Variants in RALGAPA1 observed in about 807,000 individuals in gnomAD.
RALGAPA1 encodes ral GTPase-activating protein subunit alpha-1.
In RALGAPA1, 52 loss-of-function variants were observed where a neutral mutation model predicts 269.6. The observed-to-expected ratio is 0.19, with a 90% CI of 0.15 to 0.24. The LOEUF (loss-of-function observed/expected upper bound fraction) is 0.24, where lower values mean the gene tolerates loss of function less well. Ranked by LOEUF, RALGAPA1 falls within the 10% of genes least tolerant of loss-of-function variation. The pLI is 1.00. For missense variants in RALGAPA1, 1,917 were observed against 3,013.9 expected (o/e 0.64, Z 8.52); for synonymous variants, 817 against 1,008.3 (o/e 0.81, Z 3.60).
intron 36 of RALGAPA1, among the ~76,000 whole-genome samples, chr14:35,600,709 T>C (rs2059240539): frequency 6.6e-6 from 1 of 152,258 alleles, no homozygotes; most frequent in Non-Finnish European, 1.5e-5. Context: ...ACATTTTCTA[T>C]TTCTTTGCTG....
At chr14:35,693,939 T>G (rs562077711) in intron 17 of RALGAPA1, among the ~76,000 whole-genome samples, 1 of 152,144 alleles carries the variant, frequency 6.6e-6, no homozygotes, top group Admixed American at 6.5e-5. Flanking sequence ...TACTGTCAGC[T>G]TATAAAATGT....
At chr14:35,799,440 T>G (rs552339454) in intron 1 of RALGAPA1, among the ~76,000 whole-genome samples, 1 of 151,966 alleles carries the variant, frequency 6.6e-6, no homozygotes, top group Non-Finnish European at 1.5e-5. Flanking sequence ...TGCGTGCCTG[T>G]AATCCCAGCT....
chr14:35,548,454 A>G (rs1188872602), intron 41 of RALGAPA1, 54 bp downstream of exon 41: 4 of 1,371,598 alleles, frequency 2.9e-6, no homozygotes, highest in Non-Finnish European at 3.0e-6. Flanking sequence ...GCTAATTTTG[A>G]AAAAAGGAAA....
At chr14:35,568,489 T>C (rs1007248525) in intron 39 of RALGAPA1, among the ~76,000 whole-genome samples, 1 of 152,176 alleles carries the variant, frequency 6.6e-6, no homozygotes, top group African/African-American at 2.4e-5. Flanking sequence ...CATCTTGTTT[T>C]GTTTAAAGGA....
At chr14:35,636,864 T>G (rs1566889613) in intron 31 of RALGAPA1, among the ~76,000 whole-genome samples, 1 of 152,196 alleles carries the variant, frequency 6.6e-6, no homozygotes, top group Non-Finnish European at 1.5e-5. Context: ...AATCCCAGCA[T>G]CTTTCTCCCA....
rs1322904919 is a variant in RALGAPA1 at position 35,538,788 on chromosome 14, G to A, written c.*926C>T. The A allele has an allele frequency of 6.7e-6, 1 of 148,574 alleles. No homozygotes were observed. The highest frequency in any genetic ancestry group is 1.5e-5 in the Non-Finnish European group (1 of 67,238). 9.2% of individuals were successfully genotyped at this position (148,574 alleles called of 1,614,324 possible). ...TTAAAAAAGAACATAGAAACACCAG[G>A]ATCTAGCAGCCAATAATAAAAGGCC... On this transcript the variant is annotated 3_prime_UTR_variant, in exon 42 of 42. Coordinates refer to ENST00000680220, the MANE Select transcript of RALGAPA1 (RefSeq NM_001346249.2).
intron 33 of RALGAPA1, among the ~76,000 whole-genome samples, chr14:35,629,282 GGTGTGTGTGTGT>G (rs33989714): frequency 6.9e-6 from 1 of 145,290 alleles, no homozygotes; most frequent in African/African-American, 2.6e-5. Flanking sequence ...ATGTTTAGGG[GGTGTGTGTGTGT>G]GTGTGTGTGT....
intron 1 of RALGAPA1, among the ~76,000 whole-genome samples, chr14:35,781,575 A>AATCTATCT (rs34164383): frequency 6.6e-5 from 10 of 150,726 alleles, no homozygotes; most frequent in South Asian, 2.1e-4. Context: ...TAGAAAACTG[A>AATCTATCT]ATCTATCTAT....
chr14:35,671,637 G>T, intron 25 of RALGAPA1, 120 bp from the exon 26 acceptor site: 1 of 480,008 alleles, frequency 2.1e-6, no homozygotes, highest in East Asian at 3.1e-5. Context: ...ACTGTACATT[G>T]GCTAACTGGA....
At chr14:35,770,307 A>G (rs1323210385) in intron 4 of RALGAPA1, among the ~76,000 whole-genome samples, 1 of 152,176 alleles carries the variant, frequency 6.6e-6, no homozygotes, top group Non-Finnish European at 1.5e-5. Flanking sequence ...TACAGCTAAA[A>G]TCACATATAA....
chr14:35,719,748 C>CT (rs906195026), intron 16 of RALGAPA1, among the ~76,000 whole-genome samples: 5 of 151,428 alleles, frequency 3.3e-5, no homozygotes, highest in Admixed American at 6.6e-5. Context: ...ACAATTTCTT[C>CT]TTTTTTTTTG....
intron 1 of RALGAPA1, among the ~76,000 whole-genome samples, chr14:35,776,840 G>A (rs1421294621): frequency 1.3e-5 from 2 of 151,950 alleles, no homozygotes; most frequent in Non-Finnish European, 2.9e-5. Flanking sequence ...TGCACGTTGT[G>A]CACGTGTACC....
intron 17 of RALGAPA1, among the ~76,000 whole-genome samples, chr14:35,694,426 A>G (rs1343555501): frequency 6.6e-6 from 1 of 152,174 alleles, no homozygotes; most frequent in Admixed American, 6.5e-5. Flanking sequence ...GGTAAGTAAA[A>G]ACGATAGAGC....
intron 17 of RALGAPA1, among the ~76,000 whole-genome samples, chr14:35,698,795 T>C (rs1016607740): frequency 1.3e-5 from 2 of 152,168 alleles, no homozygotes; most frequent in Admixed American, 6.5e-5. Flanking sequence ...AAGTAGATTA[T>C]AATTTGATGT....
chr14:35,592,809 T>C lies in RALGAPA1; in HGVS notation c.7209+2825A>G, dbSNP rs2058717272. On this transcript the variant is annotated intron_variant, in intron 37 of 41. Coordinates refer to ENST00000680220, the MANE Select transcript of RALGAPA1 (RefSeq NM_001346249.2). ...ATTCAACTAAGTCCAATATCATTTA[T>C]TGAGTAAAACTCTTGACAGTTTAGG... Among the ~76,000 whole-genome samples, 2 of 152,224 alleles carry C rather than the reference T, an allele frequency of 1.3e-5. 1 individual carries two copies. Among genetic ancestry groups the C allele is most frequent in the South Asian group, 4.1e-4 (2 of 4,832 alleles).
intron 26 of RALGAPA1, among the ~76,000 whole-genome samples, chr14:35,668,221 G>A (rs953700730): frequency 1.3e-5 from 2 of 152,124 alleles, no homozygotes; most frequent in Non-Finnish European, 2.9e-5. Flanking sequence ...GGTGGCTCAC[G>A]CCTGTAATCC....
At chr14:35,559,728 A>AT (rs1263815740) in intron 39 of RALGAPA1, among the ~76,000 whole-genome samples, 3 of 152,158 alleles carry the variant, frequency 2.0e-5, no homozygotes, top group Non-Finnish European at 4.4e-5. Flanking sequence ...TTCTTTTGGT[A>AT]TTTTTGTCGT....
intron 1 of RALGAPA1, among the ~76,000 whole-genome samples, chr14:35,792,705 C>T: frequency 6.6e-6 from 1 of 150,728 alleles, no homozygotes; most frequent in East Asian, 2.0e-4. Context: ...ATTGCTTGAA[C>T]CCGGCAAGTA....
rs1476121782 is a variant in RALGAPA1, at chr14:35,686,614, G to A, written c.4005C>T (p.Gly1335=). The A allele has an allele frequency of 1.4e-5, 23 of 1,606,660 alleles. No individual in the cohort carries two copies. The highest frequency in any genetic ancestry group is 1.8e-5 in the Non-Finnish European group (21 of 1,175,534). The part of the protein sequence containing the change: ...QKLPPLNSDI[G]GSSANVPDLM... ...GATCAGGAACATTAGCACTGCTGCC[G>A]CCAATATCACTATTAAGAGGAGGCA... Residue 1335 remains glycine, a synonymous_variant, in exon 19 of 42, where the codon GGC becomes GGT. Coordinates refer to ENST00000680220, the MANE Select transcript of RALGAPA1 (RefSeq NM_001346249.2).
Sources: allele counts gnomAD v4.1 joint callset (sites outside exome capture counted in the v4.1 genomes callset), GRCh38; gene constraint gnomAD v4.1.1; transcripts MANE v1.5; gene names NCBI Gene and HGNC (gene_info 2026-07-23, HGNC 2026-07-21).